The following ARK2C variants were observed in gnomAD, a reference collection of about 807,000 sequenced individuals.
ARK2C encodes E3 ubiquitin-protein ligase ARK2C.
the ARK2C span, among the ~76,000 whole-genome samples, chr18:46,445,664 C>G: frequency 6.6e-6 from 1 of 152,212 alleles, no homozygotes; most frequent in Admixed American, 6.5e-5. Flanking sequence ...GCTTAGTTCT[C>G]TCCCTGCTCA....
chr18:46,454,062 G>A, the ARK2C span, among the ~76,000 whole-genome samples: 11 of 132,996 alleles, frequency 8.3e-5, no homozygotes, highest in Admixed American at 6.8e-4. Context: ...GCAGTGAGCC[G>A]TGATTATACC....
At chr18:46,369,140 AG>A in the ARK2C span, among the ~76,000 whole-genome samples, 1 of 152,222 alleles carries the variant, frequency 6.6e-6, no homozygotes, top group Non-Finnish European at 1.5e-5. Context: ...ATGATCTAAA[AG>A]GCCATGTTTT....
the ARK2C span, among the ~76,000 whole-genome samples, chr18:46,424,838 G>GC: frequency 1.3e-5 from 2 of 152,228 alleles, no homozygotes; most frequent in African/African-American, 4.8e-5. Context: ...ACTCTGCCTG[G>GC]CTTTGAAGAC....
chr18:46,416,098 T>C, the ARK2C span, among the ~76,000 whole-genome samples: 1 of 152,296 alleles, frequency 6.6e-6, no homozygotes, highest in South Asian at 2.1e-4. Flanking sequence ...TCAAAACAAT[T>C]GATTTGTCTA....
chr18:46,419,840 C>G, the ARK2C span, among the ~76,000 whole-genome samples: 3 of 152,150 alleles, frequency 2.0e-5, no homozygotes, highest in African/African-American at 4.8e-5. Flanking sequence ...CCTCCCTCCC[C>G]CCTTCCTCTT....
At chr18:46,374,485 G>A in the ARK2C span, among the ~76,000 whole-genome samples, 4 of 152,092 alleles carry the variant, frequency 2.6e-5, no homozygotes, top group African/African-American at 9.7e-5. Flanking sequence ...GACTACTTGA[G>A]GCCCCTCATG....
At chr18:46,446,692 A>G in the ARK2C span, among the ~76,000 whole-genome samples, 3 of 151,000 alleles carry the variant, frequency 2.0e-5, no homozygotes, top group Non-Finnish European at 4.4e-5. Context: ...AAAAAAAAAA[A>G]AAGGAAAAGA....
chr18:46,347,195 G>A, the ARK2C span, among the ~76,000 whole-genome samples: 4 of 152,304 alleles, frequency 2.6e-5, no homozygotes, highest in East Asian at 1.9e-4. Context: ...TGCTCCCTGC[G>A]CCTCTCCCAT....
At chr18:46,336,049 G>C in the ARK2C span, 1 of 985,304 alleles carries the variant, frequency 1.0e-6, no homozygotes, top group African/African-American at 1.7e-5. Context: ...AGCCATGGGG[G>C]TGAGGGGGAG....
chr18:46,372,375 A>G, the ARK2C span, among the ~76,000 whole-genome samples: 1 of 152,164 alleles, frequency 6.6e-6, no homozygotes, highest in African/African-American at 2.4e-5. Flanking sequence ...CTCAGCTGAG[A>G]GCAGTAAACC....
At chr18:46,406,119 T>A in the ARK2C span, among the ~76,000 whole-genome samples, 131 of 152,064 alleles carry the variant, frequency 8.6e-4, no homozygotes, top group East Asian at 0.022. Context: ...TACACTCCCC[T>A]CATAGACACA....
the ARK2C span, among the ~76,000 whole-genome samples, chr18:46,341,341 G>A: frequency 1.8e-4 from 28 of 151,774 alleles, no homozygotes; most frequent in East Asian, 5.4e-3. Flanking sequence ...CAGGCGTGGG[G>A]GGTAGGGAGG....
At chr18:46,447,606 G>A in the ARK2C span, 23 of 1,614,020 alleles carry the variant, frequency 1.4e-5, no homozygotes, top group Non-Finnish European at 1.9e-5. Flanking sequence ...TCAGTTCCAG[G>A]TGCGGCCCAT....
At chr18:46,400,974 G>A in the ARK2C span, among the ~76,000 whole-genome samples, 44 of 152,280 alleles carry the variant, frequency 2.9e-4, no homozygotes, top group Non-Finnish European at 5.1e-4. Context: ...TGAAGATGCT[G>A]GAGGCAGAGA....
At chr18:46,394,312 G>T in the ARK2C span, among the ~76,000 whole-genome samples, 4 of 152,194 alleles carry the variant, frequency 2.6e-5, no homozygotes, top group Non-Finnish European at 4.4e-5. Context: ...CCAGCTCACT[G>T]GTCATATCCT....
the ARK2C span, among the ~76,000 whole-genome samples, chr18:46,392,071 A>G: frequency 6.6e-6 from 1 of 151,740 alleles, no homozygotes; most frequent in African/African-American, 2.4e-5. Context: ...CACACAATAT[A>G]TACAACACAC....
the ARK2C span, among the ~76,000 whole-genome samples, chr18:46,445,117 T>C: frequency 2.0e-5 from 3 of 152,182 alleles, no homozygotes; most frequent in African/African-American, 4.8e-5. Context: ...ATGATGAACA[T>C]CATTTATGAA....
the ARK2C span, among the ~76,000 whole-genome samples, chr18:46,454,246 G>A: frequency 6.6e-6 from 1 of 151,394 alleles, no homozygotes; most frequent in African/African-American, 2.4e-5. Flanking sequence ...GAATAATGAT[G>A]GCAAAAAAAT....
the ARK2C span, among the ~76,000 whole-genome samples, chr18:46,369,726 G>C: frequency 6.6e-6 from 1 of 152,066 alleles, no homozygotes; most frequent in African/African-American, 2.4e-5. Flanking sequence ...CTCATAAACC[G>C]GGGGGTCCTT....
Sources: allele counts gnomAD v4.1 joint callset (sites outside exome capture counted in the v4.1 genomes callset), GRCh38; gene constraint gnomAD v4.1.1; transcripts MANE v1.5; gene names NCBI Gene and HGNC (gene_info 2026-07-23, HGNC 2026-07-21).